Variants in ZNF236 observed in about 807,000 individuals in gnomAD.
ZNF236 encodes zinc finger protein 236.
In ZNF236, 50 loss-of-function variants were observed where a neutral mutation model predicts 191.2. The observed-to-expected ratio is 0.26, with a 90% confidence interval of 0.21 to 0.33. The LOEUF is 0.33. ZNF236 is among the 10% of genes least tolerant of loss of function. ZNF236 has a pLI of 1.00. For synonymous variants in ZNF236, 907 were observed against 928.8 expected, an observed-to-expected ratio of 0.98 and a Z score of 0.43; for missense variants, 1,754 against 2,374.5, an observed-to-expected ratio of 0.74 and a Z score of 5.43.
At chr18:76,913,991 A>G (rs1599388754) in intron 18 of ZNF236, 93 bp downstream of exon 18, 1 of 1,373,332 alleles carries the variant, frequency 7.3e-7, no homozygotes, top group East Asian at 2.3e-5. Flanking sequence ...ACCCACTTAA[A>G]GTGTACAATT....
chr18:76,897,656 C>A lies in ZNF236; in HGVS notation c.1691-1363C>A, dbSNP rs573452279. On this transcript the variant is annotated intron_variant, in intron 10 of 30. Transcript: ENST00000320610. ...ACACAGTACTGTACATAGGCACTGC[C>A]CATAGTACCAAACACAGTACTGCAC... Among the ~76,000 whole-genome samples the A allele has an allele frequency of 4.6e-5, 7 of 151,064 alleles. No individual in the cohort carries two copies. In the South Asian group the frequency reaches 1.5e-3, roughly 32 times the overall value.
At chr18:76,963,286 G>C (rs1372301978) in intron 30 of ZNF236, among the ~76,000 whole-genome samples, 1 of 151,950 alleles carries the variant, frequency 6.6e-6, no homozygotes, top group Non-Finnish European at 1.5e-5. Flanking sequence ...ATCATAAAGT[G>C]ATGCTGGATT....
intron 30 of ZNF236, among the ~76,000 whole-genome samples, chr18:76,962,552 T>A (rs1256700110): frequency 6.6e-6 from 1 of 152,236 alleles, no homozygotes; most frequent in Non-Finnish European, 1.5e-5. Flanking sequence ...TCTTTTTTGA[T>A]TCCATATCAA....
chr18:76,935,898 T>C (rs966859104), intron 25 of ZNF236: 7 of 451,402 alleles, frequency 1.6e-5, no homozygotes, highest in Non-Finnish European at 3.1e-5. Flanking sequence ...CGGGAGGGTC[T>C]GACCTAGCTA....
rs185106267 is a variant in ZNF236, at chr18:76,851,946, A to T, written c.363+7A>T. 87 of 1,603,158 alleles carry T rather than the reference A, an allele frequency of 5.4e-5. 4 individuals carry two copies. In the East Asian group the frequency reaches 6.0e-4, roughly 11 times the overall value. On this transcript the variant is annotated splice_region_variant and intron_variant, in intron 3 of 30. Transcript: ENST00000320610. ...GCTACATGAAAAGGAAGAGGTAATC[A>T]TCATCATTTTGCATATACTTTGTTA... is the stretch of plus-strand genomic sequence containing the variant.
At chr18:76,902,533 A>G (rs1378742060) in intron 11 of ZNF236, among the ~76,000 whole-genome samples, 1 of 151,490 alleles carries the variant, frequency 6.6e-6, no homozygotes, top group East Asian at 2.0e-4. Context: ...TGTGTAGGGA[A>G]GGTGGTAGGC....
intron 25 of ZNF236, among the ~76,000 whole-genome samples, chr18:76,930,592 G>A (rs1432328371): frequency 6.6e-6 from 1 of 152,192 alleles, no homozygotes; most frequent in East Asian, 1.9e-4. Context: ...ATGTTAGTGT[G>A]TACTTGAGAG....
intron 2 of ZNF236, among the ~76,000 whole-genome samples, chr18:76,850,839 G>A (rs1161558033): frequency 3.3e-5 from 5 of 151,546 alleles, no homozygotes; most frequent in Admixed American, 3.3e-4. Flanking sequence ...CTGACCTCAG[G>A]GTGATCCGCC....
rs778575405 is a variant in ZNF236, at chr18:76,871,693, T to C, written c.543-8T>C. On this transcript the variant is annotated splice_region_variant and splice_polypyrimidine_tract_variant and intron_variant, in intron 4 of 30. Coordinates refer to ENST00000320610, the MANE Select transcript of ZNF236 (RefSeq NM_001306089.2). ...TACTGTGTATTTTGCCCCCCTTTAT[T>C]ACACTAGGGTATCAAGTACAAGGTC... 1 of 1,614,032 alleles carries C rather than the reference T, an allele frequency of 6.2e-7. No homozygotes were observed. The highest frequency in any genetic ancestry group is 2.2e-5 in the East Asian group (1 of 44,880).
At chr18:76,943,301 A>G (rs1968184826) in intron 26 of ZNF236, among the ~76,000 whole-genome samples, 1 of 152,140 alleles carries the variant, frequency 6.6e-6, no homozygotes, top group African/African-American at 2.4e-5. Flanking sequence ...TAATTTTGAA[A>G]TGTAATTCTG....
chr18:76,899,865 A>G (rs1352669543), intron 11 of ZNF236, among the ~76,000 whole-genome samples: 1 of 152,178 alleles, frequency 6.6e-6, no homozygotes, highest in Non-Finnish European at 1.5e-5. Context: ...TGTAAATACT[A>G]GGAGTTTACT....
In ZNF236 at chr18:76,839,517, ATTATCT is replaced by A. The variant is rs1480864267; in HGVS notation, c.56-10000_56-9995del. On this transcript the variant is annotated intron_variant, in intron 1 of 30. Transcript: ENST00000320610. ...CCTGTGAGTAGGTAGGACAGAAATC[ATTATCT>A]TTATCTTTGGGTGAAGAATCAGGCT... 1.2e-4 allele frequency among the ~76,000 whole-genome samples: 19 copies of A among 152,338 alleles called. No individual in the cohort carries two copies. The East Asian group carries it at 3.5e-3, about 28-fold the overall frequency.
intron 3 of ZNF236, among the ~76,000 whole-genome samples, chr18:76,856,609 T>G (rs1406557562): frequency 6.6e-6 from 1 of 152,238 alleles, no homozygotes; most frequent in African/African-American, 2.4e-5. Flanking sequence ...CTTTCCATGT[T>G]TATTAGCCAT....
chr18:76,928,536 A>T (rs543527016), intron 25 of ZNF236, among the ~76,000 whole-genome samples: 1 of 152,302 alleles, frequency 6.6e-6, no homozygotes. Flanking sequence ...TATATAGGAA[A>T]ATTGAAACAT....
intron 27 of ZNF236, among the ~76,000 whole-genome samples, chr18:76,952,322 T>C (rs1478668202): frequency 6.6e-6 from 1 of 152,254 alleles, no homozygotes; most frequent in Non-Finnish European, 1.5e-5. Flanking sequence ...TGTTAGGTTG[T>C]AGCACTGTTT....
At chr18:76,926,663 C>T (rs1967689744) in intron 22 of ZNF236, among the ~76,000 whole-genome samples, 1 of 45,108 alleles carries the variant, frequency 2.2e-5, no homozygotes, top group African/African-American at 8.6e-5. Flanking sequence ...GGTGATTAGA[C>T]TGTGTGTGTA....
At chr18:76,912,181 A>T in intron 16 of ZNF236, 63 bp from the exon 17 acceptor site, 1 of 1,252,722 alleles carries the variant, frequency 8.0e-7, no homozygotes, top group African/African-American at 1.5e-5. Flanking sequence ...TTAGCTGCTC[A>T]GTTGTTTTAT....
At position 76,925,171 on chromosome 18, in the gene ZNF236, T is replaced by C. The variant is rs1967639954; in HGVS notation, c.3662-18T>C. The stretch of plus-strand genomic sequence containing the variant: ...GACTGCCATCGCCTCTGTTGATTCT[T>C]GGCTGGGCTTTTCACAGGTCAGAAG... On this transcript the variant is annotated intron_variant, in intron 21 of 30. Transcript: ENST00000320610. The surrounding 1 kb of genome is among the most constrained non-coding windows in gnomAD (Gnocchi z 5.7). 1 of 1,605,706 alleles carries C rather than the reference T, an allele frequency of 6.2e-7. No homozygotes were observed. Among genetic ancestry groups the C allele is most frequent in the East Asian group, 2.2e-5 (1 of 44,686 alleles).
rs996765526 is a variant in ZNF236, at chr18:76,870,377, G to A, written c.543-1324G>A. 8.5e-5 allele frequency among the ~76,000 whole-genome samples: 13 copies of A among 152,078 alleles called. 1 individual carries two copies. Among genetic ancestry groups the A allele is most frequent in the Non-Finnish European group, 2.9e-5 (2 of 68,022 alleles). Reference sequence around the variant, plus strand: ...CACTCCAGATTTTTATTCTCATGAGGCTTTAATGCAGGCATTTTTGATGTT... The same window carrying A: ...CACTCCAGATTTTTATTCTCATGAGACTTTAATGCAGGCATTTTTGATGTT... On this transcript the variant is annotated intron_variant, in intron 4 of 30. Coordinates refer to ENST00000320610, the MANE Select transcript of ZNF236 (RefSeq NM_001306089.2).
Sources: allele counts gnomAD v4.1 joint callset (sites outside exome capture counted in the v4.1 genomes callset), GRCh38; gene constraint gnomAD v4.1.1; non-coding constraint Gnocchi (gnomAD v3.1); transcripts MANE v1.5; gene names NCBI Gene and HGNC (gene_info 2026-07-23, HGNC 2026-07-21).